The following ALK variants were observed in gnomAD, a reference collection of about 807,000 sequenced individuals.
ALK encodes the protein ALK tyrosine kinase receptor.
In ALK, 74 loss-of-function variants were observed where a neutral mutation model predicts 163.1. That is an observed-to-expected ratio of 0.45 (90% CI 0.38 to 0.55). The LOEUF (loss-of-function observed/expected upper bound fraction) is 0.55. Among genes scored for constraint, ALK ranks in the 20% least tolerant of loss-of-function variants. The pLI, the probability that ALK is intolerant of heterozygous loss-of-function variation, is 0.00. For synonymous variants in ALK, 960 were observed against 843.2 expected (o/e 1.14, Z -2.40); for missense variants, 2,063 against 2,105.3 (o/e 0.98, Z 0.39).
At chr2:29,689,375 C>G (rs371751177) in intron 3 of ALK, among the ~76,000 whole-genome samples, 13 of 152,340 alleles carry the variant, frequency 8.5e-5, no homozygotes, top group African/African-American at 3.1e-4. Flanking sequence ...CCCGCAAAGT[C>G]TGCACTTGCA....
At chr2:29,497,369 T>C (rs183297520) in intron 4 of ALK, among the ~76,000 whole-genome samples, 1 of 152,222 alleles carries the variant, frequency 6.6e-6, no homozygotes, top group East Asian at 1.9e-4. Context: ...ACTCCCTTGG[T>C]TGGCAATACC....
chr2:29,210,902 C>T (rs1182436216), intron 24 of ALK, among the ~76,000 whole-genome samples: 5 of 152,160 alleles, frequency 3.3e-5, no homozygotes, highest in African/African-American at 4.8e-5. Flanking sequence ...TCAGCTTCTA[C>T]TCTCTGCTTA....
chr2:29,536,607 C>T (rs1315016815), intron 3 of ALK, among the ~76,000 whole-genome samples: 1 of 152,072 alleles, frequency 6.6e-6, no homozygotes, highest in African/African-American at 2.4e-5. Flanking sequence ...TGGTGTTTTG[C>T]TATAAAAATA....
intron 1 of ALK, among the ~76,000 whole-genome samples, chr2:29,764,722 G>C (rs896609041): frequency 1.8e-4 from 28 of 152,100 alleles, no homozygotes; most frequent in African/African-American, 6.5e-4. Flanking sequence ...ATAATAATAA[G>C]GTTGCAAGAG....
chr2:29,252,834 T>A (rs1331441130), intron 11 of ALK, among the ~76,000 whole-genome samples: 7 of 139,748 alleles, frequency 5.0e-5, no homozygotes, highest in Non-Finnish European at 7.5e-5. Flanking sequence ...ATTTTTTATT[T>A]ATTTTTTTTT....
At chr2:29,674,453 C>T (rs375678258) in intron 3 of ALK, among the ~76,000 whole-genome samples, 5 of 149,252 alleles carry the variant, frequency 3.4e-5, no homozygotes, top group Non-Finnish European at 7.5e-5. Context: ...TTGTCTTTGG[C>T]TCTGTTTATA....
Position 29,846,330 on chromosome 2 carries a change from A to G in ALK, c.667+73663T>C, listed in dbSNP as rs868607748. ...TGGAACTCAACAGCACCCCTCCCCA[A>G]ATTTCCTACTGTCCTAGAACCCCGT... On this transcript the variant is annotated intron_variant, in intron 1 of 28. Transcript: ENST00000389048. 2.6e-5 allele frequency among the ~76,000 whole-genome samples: 4 copies of G among 152,150 alleles called. No individual in the cohort carries two copies. The South Asian group carries it at 6.2e-4, about 24-fold the overall frequency.
chr2:29,380,572 C>G (rs1468681572), intron 5 of ALK, among the ~76,000 whole-genome samples: 1 of 152,044 alleles, frequency 6.6e-6, no homozygotes, highest in South Asian at 2.1e-4. Context: ...GCATGTGCCA[C>G]CACGCCTGGC....
At chr2:29,577,293 C>T (rs1323502002) in intron 3 of ALK, among the ~76,000 whole-genome samples, 4 of 152,152 alleles carry the variant, frequency 2.6e-5, no homozygotes, top group Non-Finnish European at 4.4e-5. Flanking sequence ...TCAGTTTCTT[C>T]ATATGGAAGT....
At chr2:29,194,224 TA>T (rs113406778) in intron 28 of ALK, among the ~76,000 whole-genome samples, 6,599 of 149,178 alleles carry the variant, frequency 0.044, 468 homozygotes, top group African/African-American at 0.15. Flanking sequence ...TTAGTGGATT[TA>T]AAAAAAAAAT....
chr2:29,902,162 T>G (rs990423091), intron 1 of ALK, among the ~76,000 whole-genome samples: 1 of 152,240 alleles, frequency 6.6e-6, no homozygotes, highest in African/African-American at 2.4e-5. Flanking sequence ...AGGACACAGC[T>G]GCTTGGAGTT....
At position 29,636,322 on chromosome 2, in the gene ALK, C is replaced by T. The variant is rs189434863; in HGVS notation, c.952+58528G>A. Among the ~76,000 whole-genome samples, 826 of 143,550 alleles carry T rather than the reference C, an allele frequency of 5.8e-3. 8 individuals are homozygous for T. Among genetic ancestry groups the T allele is most frequent in the Non-Finnish European group, 8.7e-3 (577 of 66,632 alleles). The allele number at this position is 143,550 out of a possible 152,430, so 94.2% of individuals were successfully genotyped here. Reference sequence around the variant, plus strand: ...CTTGGAGCAATTGGACATCCAGAGGCCAAAAATAAAGAAAGAAAGAAAAGA... The same window carrying T: ...CTTGGAGCAATTGGACATCCAGAGGTCAAAAATAAAGAAAGAAAGAAAAGA... On this transcript the variant is annotated intron_variant, in intron 3 of 28. Transcript: ENST00000389048.
intron 4 of ALK, among the ~76,000 whole-genome samples, chr2:29,523,199 C>T (rs565704584): frequency 9.8e-5 from 15 of 152,312 alleles, no homozygotes; most frequent in African/African-American, 3.6e-4. Flanking sequence ...CCTTTGCACA[C>T]GTGCACTCTC....
intron 4 of ALK, among the ~76,000 whole-genome samples, chr2:29,409,862 C>T (rs73923617): frequency 0.02 from 3,038 of 152,250 alleles, 89 homozygotes; most frequent in African/African-American, 0.07. Flanking sequence ...TACCCCATTA[C>T]CCATTTCTGT....
intron 3 of ALK, among the ~76,000 whole-genome samples, chr2:29,620,192 T>C (rs1204842835): frequency 6.6e-6 from 1 of 152,136 alleles, no homozygotes; most frequent in East Asian, 1.9e-4. Context: ...AACACAACGG[T>C]GTTGCCTGGC....
chr2:29,784,321 T>C (rs1663938832), intron 1 of ALK, among the ~76,000 whole-genome samples: 1 of 152,254 alleles, frequency 6.6e-6, no homozygotes, highest in Admixed American at 6.5e-5. Context: ...ATATACATTT[T>C]CTATAATATT....
intron 3 of ALK, among the ~76,000 whole-genome samples, chr2:29,653,047 T>C (rs1392052261): frequency 6.6e-6 from 1 of 152,096 alleles, no homozygotes. Context: ...CAGGGGCATT[T>C]TGGGGACTGA....
chr2:29,320,955 T>G, intron 6 of ALK, 73 bp from the exon 7 acceptor site: 3 of 1,602,194 alleles, frequency 1.9e-6, no homozygotes, highest in Non-Finnish European at 2.6e-6. Flanking sequence ...CCAAGTCGAA[T>G]TAGCCAGGCA....
At chr2:29,913,216 TG>T (rs1303694831) in intron 1 of ALK, among the ~76,000 whole-genome samples, 1 of 152,112 alleles carries the variant, frequency 6.6e-6, no homozygotes. Flanking sequence ...TTCTGGAATA[TG>T]TACACCACAA....
Sources: allele counts gnomAD v4.1 joint callset (sites outside exome capture counted in the v4.1 genomes callset), GRCh38; gene constraint gnomAD v4.1.1; transcripts MANE v1.5; gene names NCBI Gene and HGNC (gene_info 2026-07-23, HGNC 2026-07-21).